Variants in LRP12 observed in about 807,000 individuals in gnomAD.
LRP12 encodes the protein low-density lipoprotein receptor-related protein 12.
In LRP12, 14 loss-of-function variants were observed where a neutral mutation model predicts 66.0. That is an observed-to-expected ratio of 0.21 (90% confidence interval 0.14 to 0.33). LRP12 has a LOEUF of 0.33. Among genes scored for constraint, LRP12 ranks in the 10% least tolerant of loss-of-function variants. The pLI is 1.00. For missense variants in LRP12, 889 were observed against 1,053.4 expected, an observed-to-expected ratio of 0.84 and a Z score of 2.16; for synonymous variants, 357 against 359.1, an observed-to-expected ratio of 0.99 and a Z score of 0.07.
At chr8:104,553,329 G>A (rs955432872) in intron 1 of LRP12, among the ~76,000 whole-genome samples, 31 of 152,190 alleles carry the variant, frequency 2.0e-4, no homozygotes, top group African/African-American at 6.8e-4. Context: ...TCTCAGCAGG[G>A]AAGTTTGTAG....
chr8:104,495,349 T>C (rs1810707360), intron 5 of LRP12, 140 bp from the exon 6 acceptor site: 1 of 797,004 alleles, frequency 1.3e-6, no homozygotes, highest in Non-Finnish European at 2.0e-6. Context: ...AAACATTTAC[T>C]GAATATATGT....
intron 1 of LRP12, among the ~76,000 whole-genome samples, chr8:104,571,853 C>G (rs1812084720): frequency 6.6e-6 from 1 of 152,230 alleles, no homozygotes; most frequent in Non-Finnish European, 1.5e-5. Context: ...CAACACCATC[C>G]TCCCTTCCCA....
At chr8:104,560,972 T>C (rs1486784217) in intron 1 of LRP12, among the ~76,000 whole-genome samples, 1 of 152,156 alleles carries the variant, frequency 6.6e-6, no homozygotes, top group Non-Finnish European at 1.5e-5. Flanking sequence ...CACTTAACTT[T>C]GGTTCATCTA....
At position 104,537,964 on chromosome 8, in the gene LRP12, C is replaced by T. The variant is rs138538894; in HGVS notation, c.80-6001G>A. On this transcript the variant is annotated intron_variant, in intron 1 of 6. Coordinates refer to ENST00000276654, the MANE Select transcript of LRP12 (RefSeq NM_013437.5). ...TGTGCTGGCTTCCTCATCATCCTGA[C>T]AAAATAACTACAGCACTTCCAAGTA... Among the ~76,000 whole-genome samples, 3 of 152,198 alleles carry T rather than the reference C, an allele frequency of 2.0e-5. No individual in the cohort carries two copies. In the East Asian group the frequency reaches 5.8e-4, roughly 29 times the overall value.
At chr8:104,572,670 ATTATTTATAAAT>A (rs1488183255) in intron 1 of LRP12, among the ~76,000 whole-genome samples, 1 of 151,176 alleles carries the variant, frequency 6.6e-6, no homozygotes, top group Non-Finnish European at 1.5e-5. Flanking sequence ...TAAAAATAAT[ATTATTTATAAAT>A]TTAAAGCAAA....
chr8:104,516,343 A>G (rs1419060195), intron 2 of LRP12, among the ~76,000 whole-genome samples: 1 of 152,042 alleles, frequency 6.6e-6, no homozygotes, highest in Non-Finnish European at 1.5e-5. Flanking sequence ...TGTATAGGAC[A>G]TCTGAAATGA....
At chr8:104,569,650 A>G (rs1362277937) in intron 1 of LRP12, among the ~76,000 whole-genome samples, 1 of 152,122 alleles carries the variant, frequency 6.6e-6, no homozygotes, top group Non-Finnish European at 1.5e-5. Flanking sequence ...CAAACTAGGA[A>G]TACAAAAGAA....
chr8:104,518,715 T>C (rs1470678918), intron 2 of LRP12, among the ~76,000 whole-genome samples: 2 of 152,110 alleles, frequency 1.3e-5, no homozygotes, highest in Non-Finnish European at 2.9e-5. Flanking sequence ...TTAGTATCTT[T>C]GGTATTAAAA....
intron 1 of LRP12, among the ~76,000 whole-genome samples, chr8:104,543,021 A>G (rs1395129358): frequency 1.3e-5 from 2 of 150,880 alleles, no homozygotes; most frequent in Non-Finnish European, 2.9e-5. Flanking sequence ...ATAAATATAT[A>G]TACACACACA....
At chr8:104,500,441 C>T (rs1810808506) in intron 3 of LRP12, among the ~76,000 whole-genome samples, 2 of 152,084 alleles carry the variant, frequency 1.3e-5, no homozygotes, top group Non-Finnish European at 2.9e-5. Context: ...GGCATGGTGG[C>T]TCACGCCTGT....
chr8:104,509,051 T>C lies in LRP12; in HGVS notation c.160A>G (p.Ile54Val). The C allele has an allele frequency of 1.2e-6, 2 of 1,613,812 alleles. No individual in the cohort carries two copies. The highest frequency in any genetic ancestry group is 1.7e-6 in the Non-Finnish European group (2 of 1,179,790). ...GTGATTATGCCACTTGGTGCTCGTA[T>C]TTGCTCTGGAGTCTCTCCACAAGCT... is the stretch of plus-strand genomic sequence containing the variant. ...STACGETPEQ[I>V]RAPSGIITSP... is the part of the protein sequence containing the mutation. Residue 54 changes from isoleucine to valine, a missense_variant, in exon 3 of 7, where the codon ATA becomes GTA. Physicochemically the swap from Ile to Val is conservative, Grantham distance 29 (BLOSUM62 3). Coordinates refer to ENST00000276654, the MANE Select transcript of LRP12 (RefSeq NM_013437.5).
intron 1 of LRP12, among the ~76,000 whole-genome samples, chr8:104,540,207 T>G (rs776392157): frequency 6.6e-6 from 1 of 152,102 alleles, no homozygotes; most frequent in Non-Finnish European, 1.5e-5. Context: ...GAAGAGGCCA[T>G]GTGAGGACAC....
rs1190609125 is a variant in LRP12, at chr8:104,574,855, T to C, written c.79+13964A>G. On this transcript the variant is annotated intron_variant, in intron 1 of 6. Transcript: ENST00000276654. ...ATGTGGTTAATAGAAAATTCAAAACTACATATGTGATTTACACTTGAGGCT... is the reference window on the plus strand; with the variant it reads ...ATGTGGTTAATAGAAAATTCAAAACCACATATGTGATTTACACTTGAGGCT... Among the ~76,000 whole-genome samples the C allele has an allele frequency of 3.9e-5, 6 of 152,334 alleles. No homozygotes were observed. The East Asian group carries it at 1.2e-3, about 29-fold the overall frequency.
chr8:104,568,256 T>C (rs1250340317), intron 1 of LRP12, among the ~76,000 whole-genome samples: 1 of 152,080 alleles, frequency 6.6e-6, no homozygotes, highest in Non-Finnish European at 1.5e-5. Context: ...TCACATCATA[T>C]GCAAAAAACA....
At chr8:104,565,815 C>T (rs757526318) in intron 1 of LRP12, among the ~76,000 whole-genome samples, 1 of 149,400 alleles carries the variant, frequency 6.7e-6, no homozygotes, top group Non-Finnish European at 1.5e-5. Context: ...GAACCGAGAT[C>T]GCACCACTGC....
chr8:104,572,403 T>C (rs1812094790), intron 1 of LRP12, among the ~76,000 whole-genome samples: 1 of 152,180 alleles, frequency 6.6e-6, no homozygotes, highest in Non-Finnish European at 1.5e-5. Flanking sequence ...TCAGTTTTAC[T>C]GTATAATGTA....
intron 3 of LRP12, among the ~76,000 whole-genome samples, chr8:104,501,674 A>G (rs1171749462): frequency 1.3e-5 from 2 of 151,088 alleles, no homozygotes; most frequent in Non-Finnish European, 2.9e-5. Context: ...ACTGCACCCC[A>G]GCCTGGGCGA....
At position 104,548,352 on chromosome 8, in the gene LRP12, TAATATATATTATATAAATATATTATATA is replaced by T. The variant is rs1564142258; in HGVS notation, c.80-16417_80-16390del. Among the ~76,000 whole-genome samples, 288 of 50,336 alleles carry T rather than the reference TAATATATATTATATAAATATATTATATA, an allele frequency of 5.7e-3. 25 individuals are homozygous for T. Among genetic ancestry groups the T allele is most frequent in the African/African-American group, 0.031 (280 of 9,102 alleles). 33.0% of individuals were successfully genotyped at this position (50,336 alleles called of 152,430 possible). A position where few individuals can be genotyped will look rare whatever the true frequency, so the allele number is the denominator to read the frequency against. Reference sequence around the variant, plus strand: ...TATATTATATAAATATATAAATATATAATATATATTATATAAATATATTATATAAATATATAATATATATTATATAAAT... The same window carrying T: ...TATATTATATAAATATATAAATATATAATATATAATATATATTATATAAAT... On this transcript the variant is annotated intron_variant, in intron 1 of 6. Transcript: ENST00000276654.
chr8:104,502,811 G>A (rs1188909042), intron 3 of LRP12, among the ~76,000 whole-genome samples: 1 of 151,752 alleles, frequency 6.6e-6, no homozygotes, highest in African/African-American at 2.4e-5. Flanking sequence ...AAACTTAATA[G>A]CTCTTGTTTA....
Sources: gnomAD v4.1 joint callset for allele counts (sites outside exome capture counted in the v4.1 genomes callset) on GRCh38, gnomAD v4.1.1 for gene constraint, MANE v1.5 for transcripts, NCBI Gene and HGNC (gene_info 2026-07-23, HGNC 2026-07-21) for gene names.